Variants in TENM1 observed in about 807,000 individuals in gnomAD.
The protein encoded by TENM1 is teneurin transmembrane protein 1.
Under a neutral mutation model 174.8 loss-of-function variants are expected in TENM1, and 35 were observed. The observed-to-expected ratio is 0.20, with a 90% confidence interval of 0.15 to 0.27. The LOEUF (loss-of-function observed/expected upper bound fraction) is 0.27, where lower values mean the gene tolerates loss of function less well. Among genes scored for constraint, TENM1 ranks in the 10% least tolerant of loss-of-function variants. The probability of loss-of-function intolerance (pLI) is 1.00; values close to 1 mark genes in which losing one functional copy is unlikely to be tolerated. For synonymous variants in TENM1, 781 were observed against 798.7 expected, an observed-to-expected ratio of 0.98 and a Z score of 0.37; for missense variants, 1,633 against 2,130.1, an observed-to-expected ratio of 0.77 and a Z score of 4.59.
rs191452858 is a variant in TENM1 at position 124,741,899 on chromosome X, G to A, written c.536-4702C>T. The stretch of plus-strand genomic sequence containing the variant: ...CAGATGGAATTGCGCATATGCAAAC[G>A]CAAAATTTGTCTTAAGTTCAAACTG... On this transcript the variant is annotated intron_variant, in intron 3 of 31. Transcript: ENST00000422452. Among the ~76,000 whole-genome samples, 6 of 112,190 alleles carry A rather than the reference G, an allele frequency of 5.3e-5. No homozygotes were observed. The East Asian group carries it at 1.1e-3, about 21-fold the overall frequency.
intron 23 of TENM1, among the ~76,000 whole-genome samples, chrX:124,437,180 G>A (rs1285312184): frequency 2.2e-5 from 2 of 89,037 alleles, no homozygotes; most frequent in African/African-American, 4.5e-5. Context: ...TTGAACTCCT[G>A]ACCTCAAATG....
chrX:125,120,598 T>G, the TENM1 span, among the ~76,000 whole-genome samples: 1 of 111,231 alleles, frequency 9.0e-6, no homozygotes, highest in African/African-American at 3.3e-5. Flanking sequence ...TGTGATCCCC[T>G]TTAGAAGGCT....
intron 3 of TENM1, among the ~76,000 whole-genome samples, chrX:124,842,099 T>C (rs2056513648): frequency 9.0e-6 from 1 of 111,708 alleles, no homozygotes; most frequent in Non-Finnish European, 1.9e-5. Context: ...TCATTTTCCC[T>C]TAGTTTTCTA....
At chrX:124,587,456 T>C (rs1349568026) in intron 11 of TENM1, among the ~76,000 whole-genome samples, 1 of 109,761 alleles carries the variant, frequency 9.1e-6, no homozygotes, top group Non-Finnish European at 1.9e-5. Flanking sequence ...CCCTATTTAA[T>C]AAATGGTGCT....
chrX:124,662,246 A>G (rs1303680973), intron 6 of TENM1, among the ~76,000 whole-genome samples: 1 of 110,005 alleles, frequency 9.1e-6, no homozygotes, highest in African/African-American at 3.3e-5. Flanking sequence ...CAAGGTCAGG[A>G]GTCTGAGACC....
intron 1 of TENM1, among the ~76,000 whole-genome samples, chrX:124,959,359 T>G (rs2147806868): frequency 8.9e-6 from 1 of 111,881 alleles, no homozygotes; most frequent in African/African-American, 3.2e-5. Flanking sequence ...TTCCCGGGTC[T>G]GTATACTTTA....
chrX:124,718,929 A>G (rs781539630), intron 4 of TENM1, among the ~76,000 whole-genome samples: 80 of 111,860 alleles, frequency 7.2e-4, no homozygotes, highest in African/African-American at 2.4e-3. Flanking sequence ...GGTTATCACA[A>G]CTTGGGGAGG....
the TENM1 span, among the ~76,000 whole-genome samples, chrX:125,001,210 C>T: frequency 9.1e-6 from 1 of 110,445 alleles, no homozygotes; most frequent in Non-Finnish European, 1.9e-5. Context: ...TAAAATGCCC[C>T]TCTATTCTAA....
Position 124,417,091 on chromosome X carries a change from A to T in TENM1, c.4982+3220T>A, listed in dbSNP as rs762976350. 4.5e-5 allele frequency among the ~76,000 whole-genome samples: 5 copies of T among 112,153 alleles called. No homozygotes were observed. The South Asian group carries it at 1.9e-3, about 42-fold the overall frequency. On this transcript the variant is annotated intron_variant, in intron 25 of 31. Coordinates refer to ENST00000422452, the Ensembl canonical transcript of TENM1. Reference sequence around the variant, plus strand: ...AAAGGTATTTTGTTATAGCAGCACAAACAGATTAACACAGTTGGCTTCCAG... The same window carrying T: ...AAAGGTATTTTGTTATAGCAGCACATACAGATTAACACAGTTGGCTTCCAG...
chrX:124,976,970 T>A, the TENM1 span, among the ~76,000 whole-genome samples: 1 of 111,831 alleles, frequency 8.9e-6, no homozygotes, highest in Admixed American at 9.6e-5. Flanking sequence ...AATATCCATA[T>A]TTTCATATTC....
Position 124,616,529 on chromosome X carries a change from T to C in TENM1, c.2077+25262A>G, listed in dbSNP as rs1345581239. On this transcript the variant is annotated intron_variant, in intron 11 of 31. Coordinates refer to ENST00000422452, the Ensembl canonical transcript of TENM1. ...TGCATATGCAACAGGCACTCAGTTA[T>C]GTCTACGAATTTAAGAAACACTGCT... Among the ~76,000 whole-genome samples, 3 of 112,187 alleles carry C rather than the reference T, an allele frequency of 2.7e-5. No homozygotes were observed. The East Asian group carries it at 8.4e-4, about 31-fold the overall frequency.
At chrX:124,530,922 G>T (rs2048091382) in intron 15 of TENM1, among the ~76,000 whole-genome samples, 1 of 111,393 alleles carries the variant, frequency 9.0e-6, no homozygotes, top group South Asian at 3.8e-4. Flanking sequence ...CAGGAGGCTG[G>T]CAGTTAAGAA....
intron 23 of TENM1, among the ~76,000 whole-genome samples, chrX:124,436,867 C>T (rs2060843636): frequency 2.8e-5 from 3 of 107,766 alleles, no homozygotes; most frequent in Non-Finnish European, 5.8e-5. Flanking sequence ...AACATCTGTA[C>T]ATCACATTCT....
chrX:124,612,270 A>AC (rs2148307797), intron 11 of TENM1, among the ~76,000 whole-genome samples: 1 of 110,702 alleles, frequency 9.0e-6, no homozygotes, highest in South Asian at 3.8e-4. Context: ...CATCAAAACC[A>AC]CTGGGGTGGC....
the TENM1 span, among the ~76,000 whole-genome samples, chrX:125,137,428 T>C: frequency 9.1e-6 from 1 of 110,094 alleles, no homozygotes; most frequent in Non-Finnish European, 1.9e-5. Context: ...AATACTTTTT[T>C]TTTTTTTAAT....
chrX:125,195,411 C>G, the TENM1 span, among the ~76,000 whole-genome samples: 2 of 112,129 alleles, frequency 1.8e-5, no homozygotes, highest in East Asian at 2.8e-4. Flanking sequence ...TTAAAACTTT[C>G]TCTCTTCCAT....
intron 3 of TENM1, among the ~76,000 whole-genome samples, chrX:124,803,340 C>A (rs2055504114): frequency 8.9e-6 from 1 of 112,048 alleles, no homozygotes; most frequent in African/African-American, 3.2e-5. Context: ...GGCATGTATT[C>A]TTTCTGTCAA....
chrX:124,565,446 G>A (rs1315230471), exon 12 of TENM1: 1 of 1,209,449 alleles, frequency 8.3e-7, no homozygotes, highest in Middle Eastern at 2.3e-4. Flanking sequence ...GCCATGCTCA[G>A]TACAATGAGA....
chrX:124,939,390 C>T (rs907698333), intron 1 of TENM1, among the ~76,000 whole-genome samples: 6 of 111,547 alleles, frequency 5.4e-5, no homozygotes, highest in African/African-American at 2.0e-4. Context: ...TGCCTTCTCC[C>T]TCATGTTTCT....
Sources: gnomAD v4.1 joint callset for allele counts (sites outside exome capture counted in the v4.1 genomes callset) on GRCh38, gnomAD v4.1.1 for gene constraint, MANE v1.5 for transcripts, NCBI Gene and HGNC (gene_info 2026-07-23, HGNC 2026-07-21) for gene names.